The following CNTN5 variants were observed in gnomAD, a reference collection of about 807,000 sequenced individuals.
The protein encoded by CNTN5 is contactin 5, also known as contactin-5.
CNTN5 carries 77 observed loss-of-function variants against 129.1 expected under a neutral mutation model. The ratio of observed to expected loss-of-function variants is 0.60; its 90% CI spans 0.50 to 0.72. The LOEUF (loss-of-function observed/expected upper bound fraction) is 0.72, where lower values mean the gene tolerates loss of function less well. Among genes scored for constraint, CNTN5 ranks in the 30% least tolerant of loss-of-function variants. The pLI, the probability that CNTN5 is intolerant of heterozygous loss-of-function variation, is 0.00. For synonymous variants in CNTN5, 509 were observed against 465.6 expected, an observed-to-expected ratio of 1.09 and a Z score of -1.20; for missense variants, 1,478 against 1,328.8, an observed-to-expected ratio of 1.11 and a Z score of -1.75.
At chr11:99,659,115 A>T (rs1368881573) in intron 3 of CNTN5, among the ~76,000 whole-genome samples, 4 of 152,110 alleles carry the variant, frequency 2.6e-5, no homozygotes, top group African/African-American at 9.7e-5. Flanking sequence ...GTTGGGAATG[A>T]AAGATACATG....
At chr11:100,192,993 T>C (rs1397498086) in intron 14 of CNTN5, among the ~76,000 whole-genome samples, 1 of 151,972 alleles carries the variant, frequency 6.6e-6, no homozygotes, top group African/African-American at 2.4e-5. Context: ...TGTTGTAGTA[T>C]TATATTTTTA....
At chr11:99,698,858 G>A (rs1954388876) in intron 3 of CNTN5, among the ~76,000 whole-genome samples, 1 of 149,702 alleles carries the variant, frequency 6.7e-6, no homozygotes, top group African/African-American at 2.4e-5. Context: ...ATTTCTATTA[G>A]GTACTGATTA....
At chr11:99,969,053 C>G (rs1307188202) in intron 8 of CNTN5, among the ~76,000 whole-genome samples, 1 of 151,956 alleles carries the variant, frequency 6.6e-6, no homozygotes, top group Admixed American at 6.6e-5. Context: ...CTCACATGTC[C>G]TTGGCAATCA....
chr11:99,121,135 CT>C (rs575121058), intron 1 of CNTN5, among the ~76,000 whole-genome samples: 130 of 125,212 alleles, frequency 1.0e-3, no homozygotes, highest in Admixed American at 2.7e-3. Context: ...TTCTTTCTTT[CT>C]TTTTTTTTTT....
In CNTN5 at chr11:100,024,934, T is replaced by C. The variant is rs889129020; in HGVS notation, c.980+22798T>C. On this transcript the variant is annotated intron_variant, in intron 9 of 24. Coordinates refer to ENST00000524871, the MANE Select transcript of CNTN5 (RefSeq NM_014361.4). ...GTTTGGAAAATTTGCAGCCTGACAA[T>C]GCGATAGAAAAGAAAGACCCATTTT... Among the ~76,000 whole-genome samples, 5 of 152,092 alleles carry C rather than the reference T, an allele frequency of 3.3e-5. No homozygotes were observed. The South Asian group carries it at 1.0e-3, about 32-fold the overall frequency.
At chr11:99,077,235 T>C (rs1458161600) in intron 1 of CNTN5, among the ~76,000 whole-genome samples, 1 of 144,572 alleles carries the variant, frequency 6.9e-6, no homozygotes, top group Non-Finnish European at 1.5e-5. Flanking sequence ...GATCAAAATT[T>C]AAAGTAAAAG....
chr11:99,200,464 G>C (rs753575135), intron 1 of CNTN5, among the ~76,000 whole-genome samples: 2 of 152,146 alleles, frequency 1.3e-5, no homozygotes, highest in Non-Finnish European at 2.9e-5. Context: ...AACACGTTTT[G>C]CTTCATAGAC....
chr11:99,239,636 T>G (rs1861439719), intron 1 of CNTN5, among the ~76,000 whole-genome samples: 1 of 152,066 alleles, frequency 6.6e-6, no homozygotes, highest in Admixed American at 6.6e-5. Context: ...GAACTAGAAG[T>G]CTCAAAAAGT....
intron 3 of CNTN5, among the ~76,000 whole-genome samples, chr11:99,667,704 C>G (rs1952851419): frequency 6.6e-6 from 1 of 152,084 alleles, no homozygotes; most frequent in African/African-American, 2.4e-5. Flanking sequence ...AACAGAAAAC[C>G]AAACACCACA....
In CNTN5 at chr11:99,540,171, A is replaced by C. The variant is rs1346757369; in HGVS notation, c.-70-15974A>C. Among the ~76,000 whole-genome samples the C allele has an allele frequency of 3.9e-5, 6 of 152,150 alleles. No homozygotes were observed. In the East Asian group the frequency reaches 1.2e-3, roughly 29 times the overall value. ...GATACCTGTAGAGTAAGAAGCTTCT[A>C]TATTGGGAAAGTCTATAGAAGTAAG... On this transcript the variant is annotated intron_variant, in intron 2 of 24. Transcript: ENST00000524871.
intron 9 of CNTN5, among the ~76,000 whole-genome samples, chr11:100,017,186 C>T (rs917660555): frequency 6.6e-6 from 1 of 151,862 alleles, no homozygotes; most frequent in Admixed American, 6.6e-5. Context: ...TTTTATATAT[C>T]CCTACAGAGA....
intron 1 of CNTN5, among the ~76,000 whole-genome samples, chr11:99,106,785 TAAAG>T (rs1330771712): frequency 1.3e-5 from 2 of 152,066 alleles, no homozygotes; most frequent in Non-Finnish European, 2.9e-5. Context: ...CTTCATAACT[TAAAG>T]AACACAGTAG....
At chr11:99,277,603 T>C (rs372250417) in intron 1 of CNTN5, among the ~76,000 whole-genome samples, 1 of 151,784 alleles carries the variant, frequency 6.6e-6, no homozygotes, top group South Asian at 2.1e-4. Context: ...TGTTTCTTTT[T>C]TTATCCTCTC....
chr11:100,013,232 G>A (rs562680915), intron 9 of CNTN5, among the ~76,000 whole-genome samples: 77 of 152,042 alleles, frequency 5.1e-4, no homozygotes, highest in Admixed American at 9.8e-4. Context: ...TTACTTAATG[G>A]GTATAAGGTA....
intron 8 of CNTN5, among the ~76,000 whole-genome samples, chr11:99,975,518 A>G (rs909246047): frequency 2.0e-4 from 30 of 152,168 alleles, no homozygotes; most frequent in Non-Finnish European, 7.3e-5. Context: ...AGACAGGGTA[A>G]TTTATAAAGA....
chr11:99,498,260 G>A (rs2134947), intron 2 of CNTN5, among the ~76,000 whole-genome samples: 76,365 of 151,932 alleles, frequency 0.5, 19,540 homozygotes, highest in Admixed American at 0.57. Context: ...TGCATTTTTT[G>A]TAGCTCTAAA....
At chr11:99,547,668 A>G (rs1179002071) in intron 2 of CNTN5, among the ~76,000 whole-genome samples, 1 of 152,210 alleles carries the variant, frequency 6.6e-6, no homozygotes. Flanking sequence ...TCTGAGTAAT[A>G]CAAGTTGAAT....
At chr11:100,021,080 T>C (rs572602697) in intron 9 of CNTN5, among the ~76,000 whole-genome samples, 2 of 152,150 alleles carry the variant, frequency 1.3e-5, no homozygotes, top group Non-Finnish European at 2.9e-5. Context: ...TTTTTAAAAT[T>C]TAGTTATTTA....
At chr11:99,734,449 G>A (rs895087683) in intron 3 of CNTN5, among the ~76,000 whole-genome samples, 2 of 152,254 alleles carry the variant, frequency 1.3e-5, no homozygotes, top group East Asian at 3.9e-4. Flanking sequence ...CACCATAAGT[G>A]TTTTTATCAC....
Sources: gnomAD v4.1 joint callset for allele counts (sites outside exome capture counted in the v4.1 genomes callset) on GRCh38, gnomAD v4.1.1 for gene constraint, MANE v1.5 for transcripts, NCBI Gene and HGNC (gene_info 2026-07-23, HGNC 2026-07-21) for gene names.